LRRC37A2: variants seen among roughly 807,000 people sequenced by gnomAD.
LRRC37A2 encodes leucine rich repeat containing 37 member A2.
A neutral mutation model predicts 68.8 loss-of-function variants in LRRC37A2; 9 were observed. That is an observed-to-expected ratio of 0.13 (90% CI 0.08 to 0.23). The LOEUF is 0.23. Ranked by LOEUF, LRRC37A2 falls within the 10% of genes least tolerant of loss-of-function variation. The pLI is 1.00. For synonymous variants in LRRC37A2, 63 were observed against 367.6 expected, an observed-to-expected ratio of 0.17 and a Z score of 9.48; for missense variants, 168 against 950.4, an observed-to-expected ratio of 0.18 and a Z score of 10.82.
chr17:46,917,605 G>A, the LRRC37A2 span, among the ~76,000 whole-genome samples: 3 of 152,202 alleles, frequency 2.0e-5, no homozygotes, highest in African/African-American at 7.2e-5. Flanking sequence ...CATACTGGTA[G>A]GACTACAGTT....
the LRRC37A2 span, among the ~76,000 whole-genome samples, chr17:46,494,893 A>G: frequency 6.6e-6 from 1 of 151,156 alleles, no homozygotes; most frequent in East Asian, 1.9e-4. Context: ...TAGTCACCCT[A>G]CTGTGCAAAT....
the LRRC37A2 span, among the ~76,000 whole-genome samples, chr17:46,901,803 A>ATT: frequency 1.4e-3 from 182 of 128,188 alleles, 4 homozygotes; most frequent in African/African-American, 4.4e-3. Flanking sequence ...TGGAGCAAGA[A>ATT]TTTTTTTTTT....
At chr17:46,916,343 G>T in the LRRC37A2 span, among the ~76,000 whole-genome samples, 2 of 152,254 alleles carry the variant, frequency 1.3e-5, no homozygotes, top group East Asian at 3.9e-4. Context: ...CTCCACCCAT[G>T]GGCCCTGAGC....
At chr17:46,662,680 C>T in the LRRC37A2 span, among the ~76,000 whole-genome samples, 1 of 139,868 alleles carries the variant, frequency 7.1e-6, no homozygotes, top group Admixed American at 7.3e-5. Flanking sequence ...CTACAGATTC[C>T]TCTTTTCTCT....
the LRRC37A2 span, among the ~76,000 whole-genome samples, chr17:46,598,459 C>T: frequency 6.6e-6 from 1 of 151,904 alleles, no homozygotes; most frequent in Non-Finnish European, 1.5e-5. Flanking sequence ...TCTGAAAATA[C>T]ACATACTTTA....
At chr17:46,622,520 C>T in the LRRC37A2 span, among the ~76,000 whole-genome samples, 21 of 149,830 alleles carry the variant, frequency 1.4e-4, 1 homozygote, top group African/African-American at 5.0e-4. Flanking sequence ...CAGTGGCTCA[C>T]GCCTGTAATC....
At chr17:46,716,800 A>C in the LRRC37A2 span, among the ~76,000 whole-genome samples, 13 of 152,228 alleles carry the variant, frequency 8.5e-5, no homozygotes, top group African/African-American at 2.9e-4. Flanking sequence ...ACATGTGTAC[A>C]CATGAACACA....
At chr17:46,419,284 CT>C in the LRRC37A2 span, among the ~76,000 whole-genome samples, 1 of 28,088 alleles carries the variant, frequency 3.6e-5, no homozygotes, top group East Asian at 6.2e-4. Context: ...TTCTTTCTTT[CT>C]TTTTTTTTGA....
the LRRC37A2 span, among the ~76,000 whole-genome samples, chr17:46,752,519 G>T: frequency 6.6e-6 from 1 of 152,220 alleles, no homozygotes; most frequent in African/African-American, 2.4e-5. Flanking sequence ...GCAGTGCCAT[G>T]ATCATGGCTT....
At chr17:46,849,219 G>C in the LRRC37A2 span, among the ~76,000 whole-genome samples, 2 of 152,238 alleles carry the variant, frequency 1.3e-5, no homozygotes, top group East Asian at 3.8e-4. Flanking sequence ...TCACTCTCCA[G>C]CCACTGATGT....
At chr17:46,851,731 GCCCCCCGCCCGCT>G in the LRRC37A2 span, 1 of 1,248,746 alleles carries the variant, frequency 8.0e-7, no homozygotes, top group South Asian at 3.0e-5. The surrounding 1 kb of genome is among the most constrained non-coding windows in gnomAD (Gnocchi z 4.3). Flanking sequence ...TGCCCGCCGC[GCCCCCCGCCCGCT>G]CCCCGGCCTG....
chr17:46,861,759 T>C, the LRRC37A2 span, among the ~76,000 whole-genome samples: 1 of 152,232 alleles, frequency 6.6e-6, no homozygotes, highest in African/African-American at 2.4e-5. Context: ...TGGTCAGTCC[T>C]GGAAACTTCC....
chr17:46,757,311 C>T, the LRRC37A2 span: 2 of 152,590 alleles, frequency 1.3e-5, no homozygotes, highest in Non-Finnish European at 2.9e-5. Flanking sequence ...TAAGATCTTG[C>T]CTCTTTCCTC....
the LRRC37A2 span, among the ~76,000 whole-genome samples, chr17:46,440,397 AT>A: frequency 2.5e-4 from 16 of 64,070 alleles, no homozygotes; most frequent in African/African-American, 4.4e-4. Context: ...ATTTTATTTT[AT>A]TTTTTTTTTT....
At chr17:46,781,427 G>T in the LRRC37A2 span, among the ~76,000 whole-genome samples, 2 of 151,398 alleles carry the variant, frequency 1.3e-5, no homozygotes, top group African/African-American at 4.8e-5. Context: ...AAAAAAAAAG[G>T]AATGAAATTC....
the LRRC37A2 span, among the ~76,000 whole-genome samples, chr17:46,874,062 G>T: frequency 1.3e-5 from 2 of 151,780 alleles, no homozygotes; most frequent in East Asian, 1.9e-4. Context: ...TGCTCTCCAC[G>T]GTCTGCAGCC....
chr17:46,730,993 A>C, the LRRC37A2 span, among the ~76,000 whole-genome samples: 1 of 152,162 alleles, frequency 6.6e-6, no homozygotes, highest in Non-Finnish European at 1.5e-5. Context: ...TTAAGCATAG[A>C]GTTACCATAT....
the LRRC37A2 span, among the ~76,000 whole-genome samples, chr17:46,823,181 TAA>T: frequency 6.9e-3 from 901 of 131,408 alleles, 46 homozygotes; most frequent in African/African-American, 0.026. Context: ...TATTTATATA[TAA>T]TATATTATAT....
At chr17:46,678,483 GAGTA>G in the LRRC37A2 span, among the ~76,000 whole-genome samples, 1 of 150,586 alleles carries the variant, frequency 6.6e-6, no homozygotes, top group Admixed American at 6.6e-5. Context: ...AATTAAGAGA[GAGTA>G]AGAGAGAGAG....
Sources: gnomAD v4.1 joint callset for allele counts (sites outside exome capture counted in the v4.1 genomes callset) on GRCh38, gnomAD v4.1.1 for gene constraint, Gnocchi (gnomAD v3.1) non-coding constraint, MANE v1.5 for transcripts, NCBI Gene and HGNC (gene_info 2026-07-23, HGNC 2026-07-21) for gene names.